The following LRP1B variants were observed in gnomAD, a reference collection of about 807,000 sequenced individuals.
LRP1B encodes the protein low-density lipoprotein receptor-related protein 1B.
A neutral mutation model predicts 556.6 loss-of-function variants in LRP1B; 217 were observed. The ratio of observed to expected loss-of-function variants is 0.39; its 90% confidence interval spans 0.35 to 0.44. LRP1B has a LOEUF of 0.44. Among genes scored for constraint, LRP1B ranks in the 20% least tolerant of loss-of-function variants. The pLI is 1.00. For synonymous variants in LRP1B, 2,047 were observed against 1,865.8 expected (o/e 1.10, Z -2.50); for missense variants, 5,053 against 5,620.8 (o/e 0.90, Z 3.23).
At chr2:140,579,716 C>T (rs1378103584) in intron 43 of LRP1B, among the ~76,000 whole-genome samples, 1 of 152,118 alleles carries the variant, frequency 6.6e-6, no homozygotes, top group East Asian at 1.9e-4. Flanking sequence ...ATAGCACACA[C>T]CTGTAATCCC....
intron 66 of LRP1B, among the ~76,000 whole-genome samples, chr2:140,435,978 C>A (rs540858200): frequency 6.6e-6 from 1 of 151,956 alleles, no homozygotes; most frequent in South Asian, 2.1e-4. Flanking sequence ...TCCTTTCTCT[C>A]TCTCTCTCTC....
At chr2:140,486,100 T>G (rs753612625) in intron 58 of LRP1B, among the ~76,000 whole-genome samples, 2 of 151,996 alleles carry the variant, frequency 1.3e-5, no homozygotes, top group Non-Finnish European at 2.9e-5. Flanking sequence ...AAATACAGTA[T>G]GAAATATAGT....
chr2:141,627,465 G>A (rs355588), intron 2 of LRP1B, among the ~76,000 whole-genome samples: 140,729 of 152,242 alleles, frequency 0.92, 65,166 homozygotes, highest in East Asian at 1. Context: ...TAGGAAGTGG[G>A]CCGCACAGCA....
chr2:140,264,564 C>T (rs1030821434), intron 86 of LRP1B, among the ~76,000 whole-genome samples: 4 of 152,036 alleles, frequency 2.6e-5, no homozygotes, highest in African/African-American at 4.8e-5. Context: ...ATTTGAAACT[C>T]AATCACCTCT....
intron 37 of LRP1B, among the ~76,000 whole-genome samples, chr2:140,705,977 C>A (rs1686823304): frequency 6.6e-6 from 1 of 152,060 alleles, no homozygotes; most frequent in Non-Finnish European, 1.5e-5. Context: ...GGAATTTGCA[C>A]CTTGAGAAAC....
chr2:140,912,195 T>C (rs1694440077), intron 21 of LRP1B, among the ~76,000 whole-genome samples: 1 of 151,752 alleles, frequency 6.6e-6, no homozygotes, highest in African/African-American at 2.4e-5. Flanking sequence ...TTAATGAATG[T>C]CTAACTCATG....
intron 1 of LRP1B, among the ~76,000 whole-genome samples, chr2:141,937,783 C>T (rs1284335664): frequency 1.3e-5 from 2 of 152,064 alleles, no homozygotes; most frequent in East Asian, 3.8e-4. Context: ...AGTCAAGAAG[C>T]TTATCCTCTA....
intron 3 of LRP1B, among the ~76,000 whole-genome samples, chr2:141,479,674 T>A (rs185960658): frequency 6.6e-6 from 1 of 152,254 alleles, no homozygotes; most frequent in Admixed American, 6.5e-5. Context: ...GATACCTTGA[T>A]TCTGCTTCCA....
At chr2:140,264,709 TG>T (rs1176329212) in intron 86 of LRP1B, among the ~76,000 whole-genome samples, 6 of 10,238 alleles carry the variant, frequency 5.9e-4, no homozygotes, top group Non-Finnish European at 1.6e-3. Flanking sequence ...TATATGTGTG[TG>T]TGTGTGTGTG....
chr2:140,421,429 A>G (rs72898260), intron 66 of LRP1B, among the ~76,000 whole-genome samples: 25,974 of 152,122 alleles, frequency 0.17, 2,448 homozygotes, highest in Non-Finnish European at 0.22. Context: ...ATGTCCTTTA[A>G]CACTAATTAT....
chr2:141,414,246 A>AAG (rs1690991155), intron 3 of LRP1B, among the ~76,000 whole-genome samples: 2 of 147,808 alleles, frequency 1.4e-5, no homozygotes, highest in African/African-American at 5.2e-5. Context: ...TCAAAAAAAA[A>AAG]AAAAAAAGAA....
rs138147302 is a variant in LRP1B at position 140,793,860 on chromosome 2, G to A, written c.5360-17622C>T. 4.7e-3 allele frequency among the ~76,000 whole-genome samples: 708 copies of A among 152,092 alleles called. 5 individuals carry two copies. Among genetic ancestry groups the A allele is most frequent in the African/African-American group, 0.015 (635 of 41,542 alleles). ...ATGAAAAAAAAATGTAGTTTATAAA[G>A]TGAGTATCGTCCTATAATTTTTTAT... is the stretch of plus-strand genomic sequence containing the variant. On this transcript the variant is annotated intron_variant, in intron 32 of 90. Transcript: ENST00000389484.
intron 2 of LRP1B, among the ~76,000 whole-genome samples, chr2:141,657,839 TA>T (rs1458619023): frequency 6.6e-6 from 1 of 152,162 alleles, no homozygotes. Flanking sequence ...TTTTGTTAAG[TA>T]AAACATCCTC....
intron 2 of LRP1B, among the ~76,000 whole-genome samples, chr2:141,688,653 T>C (rs1254149401): frequency 6.6e-6 from 1 of 151,872 alleles, no homozygotes; most frequent in Non-Finnish European, 1.5e-5. Context: ...TGGTAAGTAG[T>C]TGAGAATTTC....
chr2:141,709,322 C>T (rs548414891), intron 2 of LRP1B, among the ~76,000 whole-genome samples: 1 of 150,134 alleles, frequency 6.7e-6, no homozygotes, highest in African/African-American at 2.5e-5. Flanking sequence ...GCACTCCAGC[C>T]TGGGCAACAG....
chr2:141,655,068 A>C (rs1689951496), intron 2 of LRP1B, among the ~76,000 whole-genome samples: 1 of 152,188 alleles, frequency 6.6e-6, no homozygotes, highest in African/African-American at 2.4e-5. Flanking sequence ...GAAATACTCT[A>C]TTCTTGCTTT....
rs528522830 is a variant in LRP1B, at chr2:141,355,804, GTAA to G, written c.344-101166_344-101164del. On this transcript the variant is annotated intron_variant, in intron 3 of 90. Transcript: ENST00000389484. ...AATTATATGGATTTTAGAGGGTATA[GTAA>G]TAATATTATTGATCTTGCATACTGC... Among the ~76,000 whole-genome samples the G allele has an allele frequency of 4.9e-3, 743 of 152,216 alleles. 8 individuals are homozygous for G. Among genetic ancestry groups the G allele is most frequent in the African/African-American group, 0.017 (717 of 41,546 alleles).
intron 1 of LRP1B, among the ~76,000 whole-genome samples, chr2:142,049,295 G>T (rs558752433): frequency 1.3e-5 from 2 of 151,998 alleles, no homozygotes; most frequent in Non-Finnish European, 2.9e-5. Flanking sequence ...AAAAATAAAA[G>T]CACACATCAT....
At chr2:141,808,433 C>T (rs1696232310) in intron 2 of LRP1B, among the ~76,000 whole-genome samples, 1 of 152,044 alleles carries the variant, frequency 6.6e-6, no homozygotes, top group Non-Finnish European at 1.5e-5. Flanking sequence ...AGGGCTAAAG[C>T]TTAAAAAGAG....
Sources: gnomAD v4.1 joint callset for allele counts (sites outside exome capture counted in the v4.1 genomes callset) on GRCh38, gnomAD v4.1.1 for gene constraint, MANE v1.5 for transcripts, NCBI Gene and HGNC (gene_info 2026-07-23, HGNC 2026-07-21) for gene names.